FIGN: variants seen among roughly 807,000 people sequenced by gnomAD.
FIGN encodes the protein fidgetin.
FIGN carries 11 observed loss-of-function variants against 51.3 expected under a neutral mutation model. The ratio of observed to expected loss-of-function variants is 0.21; its 90% CI spans 0.13 to 0.35. FIGN has a LOEUF of 0.35. Among genes scored for constraint, FIGN ranks in the 10% least tolerant of loss-of-function variants. FIGN has a pLI of 1.00. For synonymous variants in FIGN, 407 were observed against 363.2 expected, an observed-to-expected ratio of 1.12 and a Z score of -1.37; for missense variants, 857 against 943.6, an observed-to-expected ratio of 0.91 and a Z score of 1.20.
At chr2:163,728,111 C>T (rs1280139912) in intron 2 of FIGN, among the ~76,000 whole-genome samples, 1 of 152,128 alleles carries the variant, frequency 6.6e-6, no homozygotes, top group East Asian at 1.9e-4. Flanking sequence ...TAAAATACCA[C>T]TTTCTAATGT....
intron 2 of FIGN, chr2:163,617,082 A>T: frequency 1.0e-6 from 1 of 984,844 alleles, no homozygotes; most frequent in Non-Finnish European, 1.2e-6. Context: ...CCAAGAGGCC[A>T]ACACAGCATT....
intron 2 of FIGN, among the ~76,000 whole-genome samples, chr2:163,695,621 G>A (rs763783184): frequency 1.8e-4 from 28 of 152,178 alleles, no homozygotes; most frequent in Non-Finnish European, 2.6e-4. Context: ...TAGTAATTAC[G>A]TTAGAACAAC....
intron 2 of FIGN, among the ~76,000 whole-genome samples, chr2:163,625,682 T>C (rs1418538523): frequency 1.3e-5 from 2 of 152,080 alleles, no homozygotes; most frequent in African/African-American, 4.8e-5. Flanking sequence ...GAATATATCT[T>C]GAGGCATATA....
rs1326741112 is a variant in FIGN, at chr2:163,611,040, A to C, written c.792T>G (p.Pro264=). ...PQTAVGSGYS[P]GGAPPPPSAY... ...CTGAAGGCGGAGGCGGTGCCCCCCC[A>C]GGGCTGTACCCAGACCCCACAGCAG... The change falls in exon 3 of 3, where the codon CCT becomes CCG. Residue 264 remains proline, a synonymous_variant. Coordinates refer to ENST00000333129, the MANE Select transcript of FIGN (RefSeq NM_018086.4). 2 of 1,613,780 alleles carry C rather than the reference A, an allele frequency of 1.2e-6. No homozygotes were observed. Among genetic ancestry groups the C allele is most frequent in the African/African-American group, 2.7e-5 (2 of 74,920 alleles).
intron 2 of FIGN, among the ~76,000 whole-genome samples, chr2:163,721,782 T>C (rs1478034849): frequency 1.3e-5 from 2 of 152,196 alleles, no homozygotes; most frequent in African/African-American, 4.8e-5. Flanking sequence ...ACGAGTGAGC[T>C]TTCAGTAAAG....
chr2:163,689,451 T>C lies in FIGN; in HGVS notation c.25+45452A>G, dbSNP rs114220582. Among the ~76,000 whole-genome samples the C allele has an allele frequency of 9.0e-3, 1,367 of 152,290 alleles. 24 individuals are homozygous for C. Among genetic ancestry groups the C allele is most frequent in the African/African-American group, 0.031 (1,307 of 41,550 alleles). ...ACCTACTGAAATGCTTGATTGACTATCAGGCATGCCTTAGACAATCAGAAA... is the reference window on the plus strand; with the variant it reads ...ACCTACTGAAATGCTTGATTGACTACCAGGCATGCCTTAGACAATCAGAAA... On this transcript the variant is annotated intron_variant, in intron 2 of 2. Coordinates refer to ENST00000333129, the MANE Select transcript of FIGN (RefSeq NM_018086.4).
At chr2:163,669,677 C>T (rs1045420960) in intron 2 of FIGN, among the ~76,000 whole-genome samples, 1 of 152,192 alleles carries the variant, frequency 6.6e-6, no homozygotes, top group African/African-American at 2.4e-5. Context: ...ACAAATTCTA[C>T]GTCTTCAGTT....
chr2:163,640,709 C>A (rs1683293554), intron 2 of FIGN, among the ~76,000 whole-genome samples: 1 of 152,012 alleles, frequency 6.6e-6, no homozygotes, highest in African/African-American at 2.4e-5. Flanking sequence ...GGTCTTTGAA[C>A]TATATTTAGC....
chr2:163,620,305 A>G (rs190239867), intron 2 of FIGN, among the ~76,000 whole-genome samples: 1 of 152,214 alleles, frequency 6.6e-6, no homozygotes, highest in East Asian at 1.9e-4. Context: ...TTTTCCGTAT[A>G]CATTTTTCAA....
At chr2:163,717,694 G>A (rs1273212846) in intron 2 of FIGN, among the ~76,000 whole-genome samples, 2 of 152,116 alleles carry the variant, frequency 1.3e-5, no homozygotes, top group Admixed American at 6.6e-5. Flanking sequence ...TGCCAGAAAG[G>A]TAAACACTGG....
chr2:163,725,162 C>T lies in FIGN; in HGVS notation c.25+9741G>A, dbSNP rs146884720. 9.0e-4 allele frequency among the ~76,000 whole-genome samples: 137 copies of T among 152,178 alleles called. 1 individual carries two copies. Among genetic ancestry groups the T allele is most frequent in the African/African-American group, 3.1e-3 (128 of 41,526 alleles). On this transcript the variant is annotated intron_variant, in intron 2 of 2. Coordinates refer to ENST00000333129, the MANE Select transcript of FIGN (RefSeq NM_018086.4). ...CTCTTAATTAATTCAAACTACTTCT[C>T]ATGATCTAAGTATCATATTCCAGTG...
intron 2 of FIGN, among the ~76,000 whole-genome samples, chr2:163,614,373 A>G (rs1386389588): frequency 2.0e-5 from 3 of 152,178 alleles, no homozygotes; most frequent in African/African-American, 4.8e-5. Flanking sequence ...CAGTATCTAA[A>G]TGCTTCTAGT....
At chr2:163,672,208 G>T (rs1490225491) in intron 2 of FIGN, among the ~76,000 whole-genome samples, 1 of 144,290 alleles carries the variant, frequency 6.9e-6, no homozygotes, top group Non-Finnish European at 1.5e-5. Context: ...TGTAGAATTA[G>T]AAAACTATTT....
intron 2 of FIGN, among the ~76,000 whole-genome samples, chr2:163,612,033 T>C (rs910121211): frequency 2.6e-5 from 4 of 152,232 alleles, no homozygotes; most frequent in African/African-American, 9.6e-5. Flanking sequence ...AAAATATAAC[T>C]CTGTAGTTAC....
intron 2 of FIGN, among the ~76,000 whole-genome samples, chr2:163,620,661 A>G (rs1008343629): frequency 6.6e-6 from 1 of 152,146 alleles, no homozygotes; most frequent in African/African-American, 2.4e-5. Flanking sequence ...TCATCATCCT[A>G]AAAGTCTGAG....
chr2:163,728,371 A>G (rs1007516678), intron 2 of FIGN, among the ~76,000 whole-genome samples: 15 of 148,334 alleles, frequency 1.0e-4, no homozygotes, highest in Non-Finnish European at 3.0e-5. Context: ...TAAGTATTGA[A>G]GTATGTAACT....
intron 2 of FIGN, among the ~76,000 whole-genome samples, chr2:163,730,702 C>G (rs913729142): frequency 6.6e-6 from 1 of 152,014 alleles, no homozygotes; most frequent in African/African-American, 2.4e-5. Context: ...TTTTTCTGAA[C>G]CATTTGTTTA....
At position 163,727,398 on chromosome 2, in the gene FIGN, T is replaced by A. The variant is rs1038043719; in HGVS notation, c.25+7505A>T. 2.5e-3 allele frequency among the ~76,000 whole-genome samples: 358 copies of A among 143,110 alleles called. 3 individuals are homozygous for A. The highest frequency in any genetic ancestry group is 8.7e-3 in the African/African-American group (310 of 35,508). The allele number at this position is 143,110 out of a possible 152,430, so 93.9% of individuals were successfully genotyped here. ...ATGGCTTAGTTAAAAAAAAAAAAAATATTCCTAAACTGTGGGGTAAATTTT... is the reference window on the plus strand; with the variant it reads ...ATGGCTTAGTTAAAAAAAAAAAAAAAATTCCTAAACTGTGGGGTAAATTTT... On this transcript the variant is annotated intron_variant, in intron 2 of 2. Transcript: ENST00000333129.
intron 2 of FIGN, among the ~76,000 whole-genome samples, chr2:163,623,948 A>C (rs1683013031): frequency 6.6e-6 from 1 of 152,134 alleles, no homozygotes; most frequent in African/African-American, 2.4e-5. Context: ...TAGCTTCCAG[A>C]AGCATTAAAA....
Sources: gnomAD v4.1 joint callset for allele counts (sites outside exome capture counted in the v4.1 genomes callset) on GRCh38, gnomAD v4.1.1 for gene constraint, MANE v1.5 for transcripts, NCBI Gene and HGNC (gene_info 2026-07-23, HGNC 2026-07-21) for gene names.